AIFM2: variants seen among roughly 807,000 people sequenced by gnomAD.
AIFM2 encodes AIF family member 2, ferroptosis suppressor, also known as ferroptosis suppressor protein 1.
AIFM2 carries 38 observed loss-of-function variants against 35.7 expected under a neutral mutation model. That is an observed-to-expected ratio of 1.06 (90% CI 0.82 to 1.39). The LOEUF (loss-of-function observed/expected upper bound fraction) is 1.39. Ranked by LOEUF, AIFM2 falls within the 40% of genes most tolerant of loss-of-function variation. AIFM2 has a pLI of 0.00. For missense variants in AIFM2, 476 were observed against 491.2 expected (o/e 0.97, Z 0.29); for synonymous variants, 185 against 203.5 (o/e 0.91, Z 0.77).
Position 70,112,783 on chromosome 10 carries a change from A to C in AIFM2, c.*1395T>G, listed in dbSNP as rs1304281071. On this transcript the variant is annotated 3_prime_UTR_variant, in exon 9 of 9. Coordinates refer to ENST00000307864, the MANE Select transcript of AIFM2 (RefSeq NM_032797.6). ...AAGAGGGGCTCCTCTGGATTGGAAG[A>C]TCTCTCCCAAATAGAGGAATCATTT... 1 of 152,230 alleles carries C rather than the reference A, an allele frequency of 6.6e-6. No individual in the cohort carries two copies. Among genetic ancestry groups the C allele is most frequent in the Non-Finnish European group, 1.5e-5 (1 of 68,062 alleles). 9.4% of individuals were successfully genotyped at this position (152,230 alleles called of 1,614,324 possible).
At chr10:70,124,137 G>T in intron 1 of AIFM2, 40 bp from the exon 2 acceptor site, 1 of 1,344,646 alleles carries the variant, frequency 7.4e-7, no homozygotes. Context: ...GAGTCAGGGA[G>T]GCTGGGAGGG....
At position 70,125,437 on chromosome 10, in the gene AIFM2, C is replaced by CA. The variant is rs199638586; in HGVS notation, c.-13-1341dup. Reference sequence around the variant, plus strand: ...GTAACATAGAGAGACTCTGTCTCTACAAAAAAAAAAAAAAAAAAAAAAAAA... The same window carrying CA: ...GTAACATAGAGAGACTCTGTCTCTACAAAAAAAAAAAAAAAAAAAAAAAAAA... On this transcript the variant is annotated intron_variant, in intron 1 of 8. Transcript: ENST00000307864. Among the ~76,000 whole-genome samples, 455 of 67,916 alleles carry CA rather than the reference C, an allele frequency of 6.7e-3. 64 individuals carry two copies. Among genetic ancestry groups the CA allele is most frequent in the Non-Finnish European group, 8.0e-3 (306 of 38,158 alleles). 44.6% of individuals were successfully genotyped at this position (67,916 alleles called of 152,430 possible).
chr10:70,116,708 G>C lies in AIFM2; in HGVS notation c.683C>G (p.Thr228Arg). 2 of 1,614,186 alleles carry C rather than the reference G, an allele frequency of 1.2e-6. No individual in the cohort carries two copies. Among genetic ancestry groups the C allele is most frequent in the Admixed American group, 3.3e-5 (2 of 60,028 alleles). The change falls in exon 7 of 9, where the codon ACG (threonine) becomes AGG (arginine). Residue 228 changes from threonine to arginine, a missense_variant. Physicochemically the swap from Thr to Arg is moderately conservative, Grantham distance 71. Transcript: ENST00000307864. ...GGTGGCCACCTCTGTGCCTTTGTCC[G>C]TCTGCACTTTGATGTACTCTCGATA... ...NEYREYIKVQ[T>R]DKGTEVATNL...
rs776571923 is a variant in AIFM2 at position 70,114,931 on chromosome 10, G to A, written c.959C>T (p.Ala320Val). The A allele has an allele frequency of 6.2e-7, 1 of 1,614,060 alleles. No homozygotes were observed. The highest frequency in any genetic ancestry group is 8.5e-7 in the Non-Finnish European group (1 of 1,179,988). ...GGGGCCTCTCTTACCCGGCTTGTAG[G>A]CCTGGAGAGGCCGCTGCTTCACAGA... ...VNSVKQRPLQ[A>V]YKPGALTFLL... Residue 320 changes from alanine to valine, a missense_variant, in exon 8 of 9, where the codon GCC becomes GTC. Physicochemically the swap from Ala to Val is moderately conservative, Grantham distance 64. Coordinates refer to ENST00000307864, the MANE Select transcript of AIFM2 (RefSeq NM_032797.6).
intron 1 of AIFM2, 48 bp from the exon 2 acceptor site, chr10:70,124,145 G>A (rs993899703): frequency 5.2e-6 from 7 of 1,345,434 alleles, no homozygotes; most frequent in Admixed American, 3.4e-5. Flanking sequence ...GAGGCTGGGA[G>A]GGCTGGGAGG....
At chr10:70,127,005 G>A (rs1485521062) in intron 1 of AIFM2, among the ~76,000 whole-genome samples, 3 of 152,192 alleles carry the variant, frequency 2.0e-5, no homozygotes, top group African/African-American at 7.2e-5. Flanking sequence ...ACCTCAGGCT[G>A]AATCTGCCAA....
chr10:70,116,361 G>T (rs549449732), intron 7 of AIFM2, among the ~76,000 whole-genome samples: 2 of 152,334 alleles, frequency 1.3e-5, no homozygotes, highest in East Asian at 3.9e-4. Context: ...TCTCTCTGAC[G>T]CCTGTTCCCA....
intron 1 of AIFM2, among the ~76,000 whole-genome samples, chr10:70,130,982 G>T (rs905589595): frequency 6.6e-6 from 1 of 152,086 alleles, no homozygotes; most frequent in African/African-American, 2.4e-5. Flanking sequence ...AGTCAATCCT[G>T]TTTTCTCTGC....
chr10:70,113,934 C>T lies in AIFM2; in HGVS notation c.*244G>A, dbSNP rs2136649671. The stretch of plus-strand genomic sequence containing the variant: ...CACCATGCAGCCAGCACACATGAGC[C>T]GCTCACCCAGTACCACAGCAAGCAC... On this transcript the variant is annotated 3_prime_UTR_variant, in exon 9 of 9. Coordinates refer to ENST00000307864, the MANE Select transcript of AIFM2 (RefSeq NM_032797.6). The T allele has an allele frequency of 6.1e-6, 3 of 488,982 alleles. No individual in the cohort carries two copies. The highest frequency in any genetic ancestry group is 2.4e-5 in the South Asian group (1 of 41,364). 30.3% of individuals were successfully genotyped at this position (488,982 alleles called of 1,614,324 possible). A position where few individuals can be genotyped will look rare whatever the true frequency, so the allele number is the denominator to read the frequency against.
At chr10:70,114,409 G>T in intron 8 of AIFM2, 80 bp from the exon 9 acceptor site, 1 of 1,555,414 alleles carries the variant, frequency 6.4e-7, no homozygotes, top group East Asian at 2.3e-5. Flanking sequence ...GATCCTTCCC[G>T]AGGCCTTCAG....
chr10:70,115,653 C>A (rs77064641), intron 7 of AIFM2, among the ~76,000 whole-genome samples: 11,186 of 152,172 alleles, frequency 0.074, 744 homozygotes, highest in African/African-American at 0.17. Context: ...GTAATCCCAG[C>A]TATTCGGGAG....
chr10:70,127,331 G>A (rs1028958680), intron 1 of AIFM2, among the ~76,000 whole-genome samples: 4 of 152,224 alleles, frequency 2.6e-5, no homozygotes, highest in Non-Finnish European at 4.4e-5. Flanking sequence ...TCCACTGTGC[G>A]TCAGGTCACA....
intron 5 of AIFM2, among the ~76,000 whole-genome samples, chr10:70,119,709 C>T (rs2072476923): frequency 6.6e-6 from 1 of 152,186 alleles, no homozygotes; most frequent in South Asian, 2.1e-4. Flanking sequence ...TCAAAACCAA[C>T]CTGCCTTTCC....
chr10:70,132,744 CG>C lies in AIFM2; in HGVS notation c.-25del, dbSNP rs2072640788. 1 of 152,528 alleles carries C rather than the reference CG, an allele frequency of 6.6e-6. No individual in the cohort carries two copies. The highest frequency in any genetic ancestry group is 1.5e-5 in the Non-Finnish European group (1 of 68,204). 9.4% of individuals were successfully genotyped at this position (152,528 alleles called of 1,614,324 possible). ...GCGGCGCGATCTCACCTGTCGGCCG[CG>C]CCCGCGCGCTCTCGCTCCGGCTCCC... On this transcript the variant is annotated 5_prime_UTR_variant, in exon 1 of 9. Transcript: ENST00000307864.
intron 3 of AIFM2, 123 bp from the exon 4 acceptor site, chr10:70,121,334 A>AG: frequency 1.5e-6 from 2 of 1,376,456 alleles, no homozygotes; most frequent in South Asian, 3.4e-5. Flanking sequence ...CCAGGCAAAG[A>AG]GGCCCCTCTA....
In AIFM2 at chr10:70,124,048, G is replaced by GTCAAAGAAC; in HGVS notation, c.36_37insGTTCTTTGA (p.Leu12_His13insValLeuTer). 6.3e-7 allele frequency: 1 copy of GTCAAAGAAC among 1,595,634 alleles called. No homozygotes were observed. Among genetic ancestry groups the GTCAAAGAAC allele is most frequent in the Non-Finnish European group, 8.5e-7 (1 of 1,170,134 alleles). ...AAGCCCCCACCCACAATCACCACGT[G>GTCAAAGAAC]CAGAGCTCCCGATTCCACCGAGACC... On this transcript the variant is annotated stop_gained and inframe_insertion, in exon 2 of 9. Transcript: ENST00000307864. LOFTEE classifies it high-confidence loss of function.
At chr10:70,125,307 T>C (rs537907733) in intron 1 of AIFM2, among the ~76,000 whole-genome samples, 2 of 152,030 alleles carry the variant, frequency 1.3e-5, no homozygotes, top group Admixed American at 6.6e-5. Context: ...TTTTAATTAC[T>C]TGTAGAGATG....
rs7076960 is a variant in AIFM2 at position 70,124,176 on chromosome 10, C to T, written c.-13-79G>A. ...GGAGGACCCACAGTGAGAGAGGCCT[C>T]GATCATGAATTGACCTTTTTAGATG... is the stretch of plus-strand genomic sequence containing the variant. On this transcript the variant is annotated intron_variant, in intron 1 of 8. Transcript: ENST00000307864. The T allele has an allele frequency of 1.4e-3, 1,540 of 1,140,680 alleles. 29 individuals are homozygous for T. In the African/African-American group the frequency reaches 0.022, roughly 16 times the overall value. 70.7% of individuals were successfully genotyped at this position (1,140,680 alleles called of 1,614,324 possible).
At chr10:70,120,879 C>A (rs1489441510) in intron 4 of AIFM2, among the ~76,000 whole-genome samples, 1 of 152,208 alleles carries the variant, frequency 6.6e-6, no homozygotes, top group Admixed American at 6.5e-5. Flanking sequence ...ATACCAAGGG[C>A]AACATGAGCA....
Sources: allele counts gnomAD v4.1 joint callset (sites outside exome capture counted in the v4.1 genomes callset), GRCh38; gene constraint gnomAD v4.1.1; transcripts MANE v1.5; gene names NCBI Gene and HGNC (gene_info 2026-07-23, HGNC 2026-07-21).